Variants in HADH observed in about 807,000 individuals in gnomAD.
HADH encodes the protein hydroxyacyl-CoA dehydrogenase, also known as hydroxyacyl-coenzyme A dehydrogenase, mitochondrial.
A neutral mutation model predicts 32.2 loss-of-function variants in HADH; 24 were observed. That is an observed-to-expected ratio of 0.75 (90% CI 0.54 to 1.05). The LOEUF (loss-of-function observed/expected upper bound fraction) is 1.05. Among genes scored for constraint, HADH ranks in the 50% least tolerant of loss-of-function variants. HADH has a pLI of 0.00. For missense variants in HADH, 350 were observed against 397.1 expected, an observed-to-expected ratio of 0.88 and a Z score of 1.01; for synonymous variants, 139 against 152.5, an observed-to-expected ratio of 0.91 and a Z score of 0.65.
chr4:108,003,919 T>C (rs1735204608), intron 1 of HADH, among the ~76,000 whole-genome samples: 1 of 152,128 alleles, frequency 6.6e-6, no homozygotes, highest in Non-Finnish European at 1.5e-5. Context: ...AACAACCCTG[T>C]TGCCCCTGTT....
chr4:108,021,655 T>G (rs906597549), intron 4 of HADH, among the ~76,000 whole-genome samples: 1 of 152,136 alleles, frequency 6.6e-6, no homozygotes, highest in Non-Finnish European at 1.5e-5. Context: ...GAAACAAACC[T>G]TCACTATTAT....
chr4:108,019,459 C>T, intron 3 of HADH, 81 bp from the exon 4 acceptor site: 3 of 1,282,412 alleles, frequency 2.3e-6, no homozygotes, highest in South Asian at 2.4e-5. Context: ...AAGCAGTCAC[C>T]TTGTGCATTG....
intron 2 of HADH, 79 bp from the exon 3 acceptor site, chr4:108,014,352 A>T (rs1310275476): frequency 1.9e-6 from 3 of 1,542,634 alleles, no homozygotes; most frequent in Non-Finnish European, 2.7e-6. Context: ...CAGTTTGCTA[A>T]CTGGAGCAGA....
intron 6 of HADH, chr4:108,032,541 C>T: frequency 3.8e-6 from 2 of 529,358 alleles, no homozygotes; most frequent in Non-Finnish European, 7.0e-6. Context: ...CAAAAATATG[C>T]TGTAGCATTA....
At chr4:107,999,511 C>T (rs115673119) in intron 1 of HADH, among the ~76,000 whole-genome samples, 1,793 of 152,230 alleles carry the variant, frequency 0.012, 37 homozygotes, top group African/African-American at 0.041. Context: ...AAACTAATAA[C>T]GTGACTTCTC....
intron 4 of HADH, among the ~76,000 whole-genome samples, chr4:108,020,863 C>T (rs890031075): frequency 1.3e-5 from 2 of 152,186 alleles, no homozygotes; most frequent in Non-Finnish European, 2.9e-5. Flanking sequence ...TCATTATTGC[C>T]TTTTCCAACT....
chr4:108,013,561 C>T (rs1255348315), intron 2 of HADH, among the ~76,000 whole-genome samples: 1 of 152,102 alleles, frequency 6.6e-6, no homozygotes, highest in Non-Finnish European at 1.5e-5. Flanking sequence ...GTGTCAGTTT[C>T]TCTGCCTAGT....
intron 2 of HADH, 86 bp downstream of exon 2, chr4:108,009,973 C>CTTTTT: frequency 1.9e-6 from 1 of 525,850 alleles, no homozygotes; most frequent in Admixed American, 5.4e-5. Context: ...GGCTTTCTTT[C>CTTTTT]TTTCTTTTTT....
chr4:107,998,460 A>G (rs1735018727), intron 1 of HADH, among the ~76,000 whole-genome samples: 1 of 152,060 alleles, frequency 6.6e-6, no homozygotes, highest in Non-Finnish European at 1.5e-5. Context: ...TTGTATTTTT[A>G]GTAGAGACAG....
chr4:108,012,237 G>T (rs1372588502), intron 2 of HADH, among the ~76,000 whole-genome samples: 1 of 151,694 alleles, frequency 6.6e-6, no homozygotes, highest in East Asian at 1.9e-4. Flanking sequence ...CCAATGTCTA[G>T]GTGGCCTTTA....
In HADH at chr4:108,026,375, T is replaced by A. The variant is rs936324839; in HGVS notation, c.637-1313T>A. 3 of 152,206 alleles carry A rather than the reference T, an allele frequency of 2.0e-5. No homozygotes were observed. In the East Asian group the frequency reaches 5.8e-4, roughly 29 times the overall value. 9.4% of individuals were successfully genotyped at this position (152,206 alleles called of 1,614,324 possible). On this transcript the variant is annotated intron_variant, in intron 5 of 7. Coordinates refer to ENST00000309522, the MANE Select transcript of HADH (RefSeq NM_005327.7). ...ATATTTAATGAGTCTTGGCACTTTT[T>A]CCTTATTGAGCTCTATGAGCTTTTT...
At chr4:108,022,205 G>GTGTGTGTA (rs1553943756) in intron 4 of HADH, among the ~76,000 whole-genome samples, 2,405 of 147,208 alleles carry the variant, frequency 0.016, 52 homozygotes, top group African/African-American at 0.059. Flanking sequence ...GTGTGTATGT[G>GTGTGTGTA]TGTGTGTGTG....
At position 108,009,839 on chromosome 4, in the gene HADH, G is replaced by A; in HGVS notation, c.213G>A (p.Glu71=). The change falls in exon 2 of 8, where the codon GAG becomes GAA. Residue 71 remains glutamate, a synonymous_variant. Coordinates refer to ENST00000309522, the MANE Select transcript of HADH (RefSeq NM_005327.7). ...DILAKSKKGI[E]ESLRKVAKKK... Reference sequence around the variant, plus strand: ...TGGCAAAATCCAAAAAGGGAATTGAGGAAAGCCTTAGGAAAGTGGCAAAGA... The same window carrying A: ...TGGCAAAATCCAAAAAGGGAATTGAAGAAAGCCTTAGGAAAGTGGCAAAGA... 1 of 1,611,776 alleles carries A rather than the reference G, an allele frequency of 6.2e-7. No individual in the cohort carries two copies. The highest frequency in any genetic ancestry group is 8.5e-7 in the Non-Finnish European group (1 of 1,177,858).
chr4:108,023,233 C>T (rs1386382438), intron 4 of HADH, among the ~76,000 whole-genome samples: 1 of 152,188 alleles, frequency 6.6e-6, no homozygotes, highest in African/African-American at 2.4e-5. Flanking sequence ...ACTTCATGAT[C>T]TGCCCGCTTC....
At chr4:107,990,238 C>T (rs1004797427) in intron 1 of HADH, among the ~76,000 whole-genome samples, 174 bp downstream of exon 1, 1 of 152,184 alleles carries the variant, frequency 6.6e-6, no homozygotes, top group African/African-American at 2.4e-5. Flanking sequence ...GGGCCCAAGT[C>T]TCACTCCCCT....
intron 1 of HADH, among the ~76,000 whole-genome samples, chr4:107,998,763 G>A (rs1193739203): frequency 6.6e-6 from 1 of 152,052 alleles, no homozygotes; most frequent in Non-Finnish European, 1.5e-5. Flanking sequence ...ATCCTAATGG[G>A]TATGAGATCA....
At chr4:108,013,714 TA>T (rs1240232565) in intron 2 of HADH, among the ~76,000 whole-genome samples, 1 of 152,164 alleles carries the variant, frequency 6.6e-6, no homozygotes, top group Non-Finnish European at 1.5e-5. Flanking sequence ...AAAGCTATAA[TA>T]GGGGAAAAAT....
intron 1 of HADH, chr4:108,004,610 T>TA (rs1319992662): frequency 1.2e-5 from 17 of 1,472,624 alleles, no homozygotes; most frequent in Non-Finnish European, 9.0e-7. Flanking sequence ...CCCCAGATTT[T>TA]ATTCAGGAGG....
chr4:108,005,086 C>G (rs1735252421), intron 1 of HADH: 1 of 472,342 alleles, frequency 2.1e-6, no homozygotes, highest in African/African-American at 1.9e-5. Flanking sequence ...AACTCCTAAT[C>G]AAGATACCTT....
Sources: allele counts gnomAD v4.1 joint callset (sites outside exome capture counted in the v4.1 genomes callset), GRCh38; gene constraint gnomAD v4.1.1; transcripts MANE v1.5; gene names NCBI Gene and HGNC (gene_info 2026-07-23, HGNC 2026-07-21).